SOX5: variants seen among roughly 807,000 people sequenced by gnomAD.
SOX5 encodes SRY-box transcription factor 5.
In SOX5, 9 loss-of-function variants were observed where a neutral mutation model predicts 92.0. The observed-to-expected ratio is 0.10, with a 90% CI of 0.06 to 0.17. SOX5 has a LOEUF of 0.17. Among genes scored for constraint, SOX5 ranks in the 10% least tolerant of loss-of-function variants. The pLI is 1.00. For synonymous variants in SOX5, 344 were observed against 336.3 expected, an observed-to-expected ratio of 1.02 and a Z score of -0.25; for missense variants, 642 against 944.5, an observed-to-expected ratio of 0.68 and a Z score of 4.20.
chr12:24,072,894 A>C (rs1941989030), intron 4 of SOX5, among the ~76,000 whole-genome samples: 1 of 152,212 alleles, frequency 6.6e-6, no homozygotes, highest in African/African-American at 2.4e-5. Flanking sequence ...ATAACACATA[A>C]AATTTTTTTT....
chr12:24,219,206 A>G (rs1383149513), intron 3 of SOX5, among the ~76,000 whole-genome samples: 2 of 152,114 alleles, frequency 1.3e-5, no homozygotes, highest in East Asian at 1.9e-4. Flanking sequence ...GGGTTCAAAA[A>G]TACAGTTAGA....
chr12:24,020,120 G>A (rs940159498), intron 4 of SOX5, among the ~76,000 whole-genome samples: 7 of 152,180 alleles, frequency 4.6e-5, no homozygotes, highest in Admixed American at 1.3e-4. Flanking sequence ...ACAAAATTTT[G>A]ACTAATCAAT....
At chr12:23,789,942 C>T (rs988436896) in intron 3 of SOX5, among the ~76,000 whole-genome samples, 4 of 152,052 alleles carry the variant, frequency 2.6e-5, no homozygotes, top group Non-Finnish European at 5.9e-5. Flanking sequence ...CAAGCTCAAC[C>T]CCGCAAGTCC....
At chr12:23,815,953 T>G (rs1200837540) in intron 3 of SOX5, among the ~76,000 whole-genome samples, 8 of 152,178 alleles carry the variant, frequency 5.3e-5, no homozygotes, top group Admixed American at 5.2e-4. Flanking sequence ...CATTAATATG[T>G]AAATGAAAAA....
At chr12:23,934,392 C>T (rs1942081300) in intron 1 of SOX5, among the ~76,000 whole-genome samples, 1 of 149,774 alleles carries the variant, frequency 6.7e-6, no homozygotes, top group South Asian at 2.1e-4. Flanking sequence ...ATATATTATA[C>T]ATATGTATAT....
chr12:24,044,499 C>A (rs1162212785), intron 4 of SOX5, among the ~76,000 whole-genome samples: 1 of 152,174 alleles, frequency 6.6e-6, no homozygotes, highest in Non-Finnish European at 1.5e-5. Flanking sequence ...GTATGTTTAT[C>A]TATTGTCATT....
At chr12:23,928,514 T>C (rs1054065159) in intron 1 of SOX5, among the ~76,000 whole-genome samples, 1 of 152,126 alleles carries the variant, frequency 6.6e-6, no homozygotes, top group African/African-American at 2.4e-5. Context: ...TTATGCATTT[T>C]ATTCATTGTT....
intron 1 of SOX5, among the ~76,000 whole-genome samples, chr12:24,482,592 C>T (rs1052627443): frequency 2.6e-5 from 4 of 152,136 alleles, no homozygotes; most frequent in African/African-American, 9.7e-5. Context: ...ATCTGTCCAA[C>T]CCTTCTACAA....
intron 4 of SOX5, among the ~76,000 whole-genome samples, chr12:24,073,549 T>G (rs959026772): frequency 1.3e-5 from 2 of 152,224 alleles, no homozygotes; most frequent in Non-Finnish European, 2.9e-5. Context: ...TAACTTACTG[T>G]TGCTCTAAAG....
chr12:23,846,083 T>C lies in SOX5; in HGVS notation c.381A>G (p.Thr127=). 6.2e-7 allele frequency: 1 copy of C among 1,614,116 alleles called. No homozygotes were observed. The highest frequency in any genetic ancestry group is 1.3e-5 in the African/African-American group (1 of 75,040). The change falls in exon 3 of 15, where the codon ACA becomes ACG. Residue 127 remains threonine, a synonymous_variant. Transcript: ENST00000451604. The part of the protein sequence containing the change: ...GRQSGESLSS[T]ALGTPERRKG... ...TGCGCCGTTCAGGAGTTCCCAGGGCTGTACTAGACAAGGACTCGCCACTCT... is the reference window on the plus strand; with the variant it reads ...TGCGCCGTTCAGGAGTTCCCAGGGCCGTACTAGACAAGGACTCGCCACTCT...
chr12:23,810,436 T>A (rs1296172086), intron 3 of SOX5, among the ~76,000 whole-genome samples: 1 of 152,172 alleles, frequency 6.6e-6, no homozygotes, highest in African/African-American at 2.4e-5. Flanking sequence ...CTTGGCAACC[T>A]GTGAAAGTGC....
At chr12:23,766,839 T>C (rs2094745502) in intron 3 of SOX5, among the ~76,000 whole-genome samples, 1 of 152,098 alleles carries the variant, frequency 6.6e-6, no homozygotes, top group Non-Finnish European at 1.5e-5. Context: ...TTGTATATAA[T>C]TTATTATATC....
intron 4 of SOX5, among the ~76,000 whole-genome samples, chr12:24,096,364 A>T (rs542347578): frequency 7.9e-5 from 12 of 152,330 alleles, no homozygotes; most frequent in Middle Eastern, 3.4e-3. Flanking sequence ...GACATTAAGT[A>T]CACTCACAAT....
intron 4 of SOX5, among the ~76,000 whole-genome samples, chr12:24,161,317 TA>T (rs1280511873): frequency 6.6e-6 from 1 of 152,094 alleles, no homozygotes; most frequent in Non-Finnish European, 1.5e-5. Flanking sequence ...AGCAGTCTTA[TA>T]AGTCCCACTC....
chr12:23,710,610 T>C (rs2091955219), intron 6 of SOX5, among the ~76,000 whole-genome samples: 3 of 152,254 alleles, frequency 2.0e-5, no homozygotes, highest in Non-Finnish European at 4.4e-5. Context: ...ATGGTGTATA[T>C]GTGCCACATT....
At chr12:24,516,063 G>A (rs1349218329) in intron 1 of SOX5, among the ~76,000 whole-genome samples, 4 of 142,704 alleles carry the variant, frequency 2.8e-5, no homozygotes, top group Non-Finnish European at 6.0e-5. Context: ...TTTTTTAAGC[G>A]ACAGAGTCTC....
intron 1 of SOX5, among the ~76,000 whole-genome samples, chr12:24,394,301 GCA>G (rs1169720406): frequency 1.3e-5 from 2 of 152,160 alleles, no homozygotes; most frequent in Non-Finnish European, 2.9e-5. Context: ...CCAAGAAACA[GCA>G]CAGAGAGGTG....
intron 2 of SOX5, among the ~76,000 whole-genome samples, chr12:23,858,906 A>G (rs1228125357): frequency 1.3e-5 from 2 of 152,174 alleles, no homozygotes; most frequent in Non-Finnish European, 2.9e-5. Flanking sequence ...CTTTACTGCA[A>G]TCTCTGAACA....
At chr12:24,266,346 A>T (rs1287122586) in intron 3 of SOX5, among the ~76,000 whole-genome samples, 3 of 152,148 alleles carry the variant, frequency 2.0e-5, no homozygotes, top group Non-Finnish European at 4.4e-5. Flanking sequence ...ATATGATAAT[A>T]TATATATGGC....
Sources: allele counts gnomAD v4.1 joint callset (sites outside exome capture counted in the v4.1 genomes callset), GRCh38; gene constraint gnomAD v4.1.1; transcripts MANE v1.5; gene names NCBI Gene and HGNC (gene_info 2026-07-23, HGNC 2026-07-21).